The following GRM1 variants were observed in gnomAD, a reference collection of about 807,000 sequenced individuals.
GRM1 encodes the protein glutamate metabotropic receptor 1.
In GRM1, 33 loss-of-function variants were observed where a neutral mutation model predicts 90.9. The observed-to-expected ratio is 0.36, with a 90% CI of 0.28 to 0.49. The LOEUF is 0.49. Among genes scored for constraint, GRM1 ranks in the 20% least tolerant of loss-of-function variants. GRM1 has a pLI of 0.99. For synonymous variants in GRM1, 700 were observed against 613.2 expected (o/e 1.14, Z -2.09); for missense variants, 1,190 against 1,534.3 (o/e 0.78, Z 3.75).
intron 3 of GRM1, among the ~76,000 whole-genome samples, chr6:146,320,324 A>C (rs1355705865): frequency 2.0e-5 from 3 of 152,154 alleles, no homozygotes; most frequent in African/African-American, 7.2e-5. Context: ...TGACTTGATC[A>C]TTCTGGATAA....
At chr6:146,158,976 C>T (rs368733289) in intron 1 of GRM1, among the ~76,000 whole-genome samples, 3 of 152,212 alleles carry the variant, frequency 2.0e-5, no homozygotes, top group African/African-American at 7.2e-5. Flanking sequence ...CTCAAATAAA[C>T]AGAGCTTCTC....
intron 3 of GRM1, among the ~76,000 whole-genome samples, chr6:146,334,574 T>C (rs374761619): frequency 6.6e-6 from 1 of 152,214 alleles, no homozygotes; most frequent in Non-Finnish European, 1.5e-5. Flanking sequence ...TGTATGGTTC[T>C]CCATTCTGTC....
At chr6:146,318,545 T>C (rs1435182855) in intron 3 of GRM1, among the ~76,000 whole-genome samples, 1 of 152,186 alleles carries the variant, frequency 6.6e-6, no homozygotes, top group East Asian at 1.9e-4. Flanking sequence ...GGTCAAATGG[T>C]ATTTCTGGTT....
chr6:146,226,906 A>G (rs1335298003), intron 2 of GRM1, among the ~76,000 whole-genome samples: 1 of 152,044 alleles, frequency 6.6e-6, no homozygotes, highest in Non-Finnish European at 1.5e-5. Context: ...TTTCTTCAAG[A>G]TTGTACCATC....
chr6:146,346,973 C>T (rs530142871), intron 3 of GRM1, among the ~76,000 whole-genome samples: 17 of 152,202 alleles, frequency 1.1e-4, no homozygotes, highest in African/African-American at 3.1e-4. Context: ...TAGAATAACG[C>T]GGTGTTTGTT....
chr6:146,033,219 T>TA (rs1346924075), intron 1 of GRM1, among the ~76,000 whole-genome samples: 1 of 152,126 alleles, frequency 6.6e-6, no homozygotes, highest in Non-Finnish European at 1.5e-5. Flanking sequence ...TATCCACAAA[T>TA]AAAGTTTGAA....
chr6:146,395,307 G>A (rs1407764941), intron 6 of GRM1, among the ~76,000 whole-genome samples: 1 of 152,044 alleles, frequency 6.6e-6, no homozygotes, highest in East Asian at 1.9e-4. Context: ...CCTACCTACA[G>A]AGGGAGAGAA....
At chr6:146,147,394 A>C (rs1777154449) in intron 1 of GRM1, among the ~76,000 whole-genome samples, 1 of 152,282 alleles carries the variant, frequency 6.6e-6, no homozygotes, top group East Asian at 1.9e-4. Context: ...TATGACAAAT[A>C]AGGCGACGAA....
intron 5 of GRM1, among the ~76,000 whole-genome samples, chr6:146,368,647 T>TTA (rs1287383568): frequency 4.6e-5 from 7 of 152,162 alleles, no homozygotes; most frequent in African/African-American, 1.7e-4. Flanking sequence ...GTTTTTGTTC[T>TTA]TCATTATGTT....
chr6:146,065,944 C>T (rs577706112), intron 1 of GRM1, among the ~76,000 whole-genome samples: 1 of 151,900 alleles, frequency 6.6e-6, no homozygotes, highest in African/African-American at 2.4e-5. Context: ...AGTCAGATTC[C>T]CATGACTCAA....
chr6:146,222,249 G>T (rs1780088230), intron 2 of GRM1, among the ~76,000 whole-genome samples: 1 of 152,138 alleles, frequency 6.6e-6, no homozygotes, highest in Non-Finnish European at 1.5e-5. Flanking sequence ...TGTTTAAGGA[G>T]AATTAATGTT....
chr6:146,140,062 C>T (rs984629227), intron 1 of GRM1, among the ~76,000 whole-genome samples: 7 of 141,120 alleles, frequency 5.0e-5, no homozygotes, highest in Non-Finnish European at 1.1e-4. Flanking sequence ...CTCCTTTCCT[C>T]TCCTCTTCTT....
chr6:146,244,209 TTAAAG>T (rs1260088627), intron 2 of GRM1, among the ~76,000 whole-genome samples: 4 of 152,070 alleles, frequency 2.6e-5, no homozygotes, highest in African/African-American at 9.7e-5. Context: ...GATTAAGAGA[TTAAAG>T]TAAAGACAGG....
intron 1 of GRM1, among the ~76,000 whole-genome samples, chr6:146,123,854 A>T (rs192412549): frequency 6.6e-6 from 1 of 152,122 alleles, no homozygotes; most frequent in African/African-American, 2.4e-5. Context: ...CCATGGATTC[A>T]TCCTTATTTT....
chr6:146,083,197 C>T (rs184515505), intron 1 of GRM1, among the ~76,000 whole-genome samples: 8 of 152,292 alleles, frequency 5.3e-5, no homozygotes, highest in Non-Finnish European at 1.0e-4. Flanking sequence ...ATTTGACTTC[C>T]TCTCTTCCTA....
At chr6:146,136,322 T>C (rs1446695378) in intron 1 of GRM1, among the ~76,000 whole-genome samples, 3 of 152,188 alleles carry the variant, frequency 2.0e-5, no homozygotes, top group African/African-American at 7.2e-5. Context: ...GAATATATGG[T>C]AGCTCAGTTT....
intron 3 of GRM1, among the ~76,000 whole-genome samples, chr6:146,325,227 A>G (rs1370135751): frequency 6.6e-6 from 1 of 152,180 alleles, no homozygotes; most frequent in Non-Finnish European, 1.5e-5. Context: ...TATTTTCATC[A>G]TAAGAGGGAC....
chr6:146,197,108 C>T (rs1272939502), intron 2 of GRM1, among the ~76,000 whole-genome samples: 2 of 152,126 alleles, frequency 1.3e-5, no homozygotes, highest in Non-Finnish European at 2.9e-5. Context: ...ACAGGAGATA[C>T]TTTGTGGAGG....
chr6:146,417,290 A>T (rs569228176), intron 7 of GRM1, among the ~76,000 whole-genome samples: 1 of 152,158 alleles, frequency 6.6e-6, no homozygotes, highest in Non-Finnish European at 1.5e-5. Context: ...AAAAAAATTT[A>T]TCTGGTTTTT....
Sources: gnomAD v4.1 joint callset for allele counts (sites outside exome capture counted in the v4.1 genomes callset) on GRCh38, gnomAD v4.1.1 for gene constraint, MANE v1.5 for transcripts, NCBI Gene and HGNC (gene_info 2026-07-23, HGNC 2026-07-21) for gene names.